Variants in MTR observed in about 807,000 individuals in gnomAD.
MTR encodes the protein methionine synthase.
MTR carries 84 observed loss-of-function variants against 154.8 expected under a neutral mutation model. That is an observed-to-expected ratio of 0.54 (90% confidence interval 0.45 to 0.65). MTR has a LOEUF of 0.65. MTR is among the 30% of genes least tolerant of loss of function. The pLI is 0.00. For synonymous variants in MTR, 554 were observed against 553.9 expected (o/e 1.00, Z 0.00); for missense variants, 1,275 against 1,570.2 (o/e 0.81, Z 3.18).
At chr1:236,856,505 C>T (rs895570859) in intron 18 of MTR, among the ~76,000 whole-genome samples, 1 of 147,980 alleles carries the variant, frequency 6.8e-6, no homozygotes, top group African/African-American at 2.5e-5. Flanking sequence ...TCTTCTTGTT[C>T]TTCTTCTTTC....
rs1252454342 is a variant in MTR at position 236,899,412 on chromosome 1, CAGTG to C, written c.*1769_*1772del. ...AAAATGACCTGGTGACATGGCAAGTCAGTGGGGACAGGAAGGACCACTCCCTAAG... is the reference window on the plus strand; with the variant it reads ...AAAATGACCTGGTGACATGGCAAGTCGGGACAGGAAGGACCACTCCCTAAG... On this transcript the variant is annotated 3_prime_UTR_variant, in exon 33 of 33. Transcript: ENST00000366577. 1.3e-5 allele frequency: 2 copies of C among 152,176 alleles called. No individual in the cohort carries two copies. 9.4% of individuals were successfully genotyped at this position (152,176 alleles called of 1,614,324 possible).
chr1:236,882,454 G>T (rs1306823393), intron 25 of MTR, among the ~76,000 whole-genome samples: 1 of 149,782 alleles, frequency 6.7e-6, no homozygotes, highest in African/African-American at 2.5e-5. Flanking sequence ...GCAGTGGCTC[G>T]ATCTCGGCTT....
Position 236,803,653 on chromosome 1 carries a change from C to A in MTR, c.249+11C>A. On this transcript the variant is annotated intron_variant, in intron 2 of 32. Coordinates refer to ENST00000366577, the MANE Select transcript of MTR (RefSeq NM_000254.3). ...TACCAAATCCATAAGGTAAAGTATT[C>A]CCAGGTTCCCATGTGTATTCATTCT... is the stretch of plus-strand genomic sequence containing the variant. The A allele has an allele frequency of 1.2e-6, 2 of 1,610,208 alleles. No individual in the cohort carries two copies. Among genetic ancestry groups the A allele is most frequent in the Non-Finnish European group, 1.7e-6 (2 of 1,176,816 alleles).
In MTR at chr1:236,852,543, T is replaced by A; in HGVS notation, c.1718T>A (p.Ile573Lys). The change falls in exon 17 of 33, where the codon ATA (isoleucine) becomes AAA (lysine). Residue 573 changes from isoleucine to lysine, a missense_variant. Coordinates refer to ENST00000366577, the MANE Select transcript of MTR (RefSeq NM_000254.3). ...VIKETLPGAR[I>K]SGGLSNLSFS... is the part of the protein sequence containing the mutation. ...CAGGAAACATTACCTGGAGCCAGAATAAGTGGAGGTCTTTCCAACTTGTCC... is the reference window on the plus strand; with the variant it reads ...CAGGAAACATTACCTGGAGCCAGAAAAAGTGGAGGTCTTTCCAACTTGTCC... 1 of 1,614,036 alleles carries A rather than the reference T, an allele frequency of 6.2e-7. No homozygotes were observed. The highest frequency in any genetic ancestry group is 8.5e-7 in the Non-Finnish European group (1 of 1,179,944).
At chr1:236,834,590 A>C (rs938160784) in intron 13 of MTR, among the ~76,000 whole-genome samples, 2 of 152,184 alleles carry the variant, frequency 1.3e-5, no homozygotes, top group Admixed American at 1.3e-4. Context: ...TTCTATCACA[A>C]TGAGTGCTAA....
At chr1:236,876,631 A>C (rs564784724) in intron 24 of MTR, among the ~76,000 whole-genome samples, 32 of 152,358 alleles carry the variant, frequency 2.1e-4, no homozygotes, top group Middle Eastern at 3.4e-3. Context: ...CACTACACTC[A>C]GAAATTTGCT....
In MTR at chr1:236,829,264, G is replaced by A. The variant is rs771474135; in HGVS notation, c.1071G>A (p.Leu357=). Residue 357 remains leucine (L), a synonymous_variant, in exon 12 of 33, where the codon CTG becomes CTA. Transcript: ENST00000366577. ...PATAFEGHML[L]SGLEPFRIGP... is the part of the protein sequence containing the mutation. ...CTGCTTTTGAAGGACATATGTTACT[G>A]TCTGGTGAGTCATAAAGACCTGGTA... 1.2e-5 allele frequency: 19 copies of A among 1,612,872 alleles called. No homozygotes were observed. The East Asian group carries it at 3.3e-4, about 28-fold the overall frequency.
intron 2 of MTR, among the ~76,000 whole-genome samples, chr1:236,805,390 A>G (rs1222585387): frequency 6.7e-6 from 1 of 148,800 alleles, no homozygotes; most frequent in Non-Finnish European, 1.5e-5. Flanking sequence ...CTCGGTGGGC[A>G]TCAGGTTCTG....
chr1:236,877,844 G>A (rs1028438940), intron 24 of MTR, among the ~76,000 whole-genome samples: 3 of 152,134 alleles, frequency 2.0e-5, no homozygotes, highest in Admixed American at 1.3e-4. Context: ...ACTCCCACAA[G>A]CAATTGTGAA....
rs1663030750 is a variant in MTR, at chr1:236,838,426, A to G, written c.1342A>G (p.Ile448Val). The change falls in exon 15 of 33, where the codon ATC (isoleucine) becomes GTC (valine). Residue 448 changes from isoleucine to valine, a missense_variant. Coordinates refer to ENST00000366577, the MANE Select transcript of MTR (RefSeq NM_000254.3). ...TTTCTGATCTCAGGTACCTTTGTGC[A>G]TCGACTCCTCCAATTTTGCTGTGAT... Reference protein sequence around the residue: ...EPDIAKVPLCIDSSNFAVIEA... With the variant: ...EPDIAKVPLCVDSSNFAVIEA... The G allele has an allele frequency of 1.9e-6, 3 of 1,614,158 alleles. No individual in the cohort carries two copies. Among genetic ancestry groups the G allele is most frequent in the Non-Finnish European group, 2.5e-6 (3 of 1,180,010 alleles).
At position 236,900,260 on chromosome 1, in the gene MTR, C is replaced by G. The variant is rs1666862095; in HGVS notation, c.*2616C>G. The stretch of plus-strand genomic sequence containing the variant: ...GGAAATGAGTGAACTACAGCTATAC[C>G]TCACAATAAGAATGAATCTCAGAAA... On this transcript the variant is annotated 3_prime_UTR_variant, in exon 33 of 33. Transcript: ENST00000366577. The G allele has an allele frequency of 3.8e-6, 1 of 260,972 alleles. No homozygotes were observed. Among genetic ancestry groups the G allele is most frequent in the Non-Finnish European group, 7.9e-6 (1 of 126,618 alleles). 16.2% of individuals were successfully genotyped at this position (260,972 alleles called of 1,614,324 possible).
intron 15 of MTR, among the ~76,000 whole-genome samples, chr1:236,847,734 G>A (rs1488334216): frequency 6.6e-6 from 1 of 152,198 alleles, no homozygotes; most frequent in Non-Finnish European, 1.5e-5. Flanking sequence ...GATTTAACTG[G>A]TTCAGGGTGA....
chr1:236,855,479 G>T (rs1037510596), intron 18 of MTR, among the ~76,000 whole-genome samples: 95 of 152,168 alleles, frequency 6.2e-4, no homozygotes, highest in African/African-American at 2.3e-3. Context: ...TGGAGTGGAA[G>T]GATTGGTGCT....
At chr1:236,876,754 T>TA (rs977495106) in intron 24 of MTR, among the ~76,000 whole-genome samples, 6 of 152,210 alleles carry the variant, frequency 3.9e-5, no homozygotes, top group Admixed American at 2.0e-4. Flanking sequence ...CCTCTCAAGA[T>TA]ACATTATTGG....
rs763183211 is a variant in MTR at position 236,829,301 on chromosome 1, A to T, written c.1075+33A>T. On this transcript the variant is annotated intron_variant, in intron 12 of 32. Coordinates refer to ENST00000366577, the MANE Select transcript of MTR (RefSeq NM_000254.3). ...ATAAAGACCTGGTATTCCTGATTGC[A>T]GAAACCATTTGTGGAGTGTGAGTAT... is the stretch of plus-strand genomic sequence containing the variant. 1.9e-6 allele frequency: 3 copies of T among 1,554,504 alleles called. No individual in the cohort carries two copies. The East Asian group carries it at 6.7e-5, about 35-fold the overall frequency.
At chr1:236,842,609 T>C (rs201972723) in intron 15 of MTR, among the ~76,000 whole-genome samples, 2 of 152,158 alleles carry the variant, frequency 1.3e-5, no homozygotes, top group East Asian at 3.9e-4. Flanking sequence ...ATATAGCAAC[T>C]GTTACTTTTT....
chr1:236,824,486 G>A (rs902082448), intron 9 of MTR, among the ~76,000 whole-genome samples: 2 of 152,230 alleles, frequency 1.3e-5, no homozygotes, highest in African/African-American at 4.8e-5. Flanking sequence ...GACAGCACAA[G>A]CCTGGTGGAC....
chr1:236,799,947 C>T (rs898489300), intron 1 of MTR: 19 of 521,842 alleles, frequency 3.6e-5, no homozygotes, highest in African/African-American at 3.1e-4. Context: ...TGATCTCTTG[C>T]CTATACGGTG....
At chr1:236,808,143 C>T (rs2103030593) in intron 3 of MTR, among the ~76,000 whole-genome samples, 1 of 152,318 alleles carries the variant, frequency 6.6e-6, no homozygotes, top group East Asian at 1.9e-4. Context: ...AAATCATAGG[C>T]AACACTATGT....
Sources: allele counts gnomAD v4.1 joint callset (sites outside exome capture counted in the v4.1 genomes callset), GRCh38; gene constraint gnomAD v4.1.1; transcripts MANE v1.5; gene names NCBI Gene and HGNC (gene_info 2026-07-23, HGNC 2026-07-21).